The following OPRK1 variants were observed in gnomAD, a reference collection of about 807,000 sequenced individuals.
OPRK1 encodes the protein kappa-type opioid receptor.
In OPRK1, 15 loss-of-function variants were observed where a neutral mutation model predicts 24.5. That is an observed-to-expected ratio of 0.61 (90% CI 0.41 to 0.94). The LOEUF is 0.94. OPRK1 is among the 40% of genes least tolerant of loss of function. The probability of loss-of-function intolerance (pLI) is 0.00; values close to 1 mark genes in which losing one functional copy is unlikely to be tolerated. For missense variants in OPRK1, 479 were observed against 507.3 expected (o/e 0.94, Z 0.54); for synonymous variants, 205 against 198.0 (o/e 1.04, Z -0.30).
rs1806713625 is a variant in OPRK1, at chr8:53,227,135, G to GC, written c.*2161_*2162insG. 1 of 152,330 alleles carries GC rather than the reference G, an allele frequency of 6.6e-6. No individual in the cohort carries two copies. Among genetic ancestry groups the GC allele is most frequent in the Non-Finnish European group, 1.5e-5 (1 of 68,252 alleles). The allele number at this position is 152,330 out of a possible 1,614,324, so 9.4% of individuals were successfully genotyped here. On this transcript the variant is annotated 3_prime_UTR_variant, in exon 4 of 4. Coordinates refer to ENST00000265572, the MANE Select transcript of OPRK1 (RefSeq NM_000912.5). ...TAGCCGGGCTTGGCGGTGCACGCCT[G>GC]TAATCCCAGCTACTTAGGAGGCAGA...
chr8:53,237,687 A>G (rs1455046817), intron 2 of OPRK1, among the ~76,000 whole-genome samples: 2 of 152,232 alleles, frequency 1.3e-5, no homozygotes, highest in Non-Finnish European at 2.9e-5. Context: ...CAGGGGTTTG[A>G]TCCCAATTCG....
Position 53,225,978 on chromosome 8 carries a change from C to T in OPRK1, c.*3319G>A, listed in dbSNP as rs1267369538. 6.6e-6 allele frequency: 1 copy of T among 152,170 alleles called. No homozygotes were observed. Among genetic ancestry groups the T allele is most frequent in the Non-Finnish European group, 1.5e-5 (1 of 68,042 alleles). The allele number at this position is 152,170 out of a possible 1,614,324, so 9.4% of individuals were successfully genotyped here. A position where few individuals can be genotyped will look rare whatever the true frequency, so the allele number is the denominator to read the frequency against. ...GAAAATAAATCTCATTGATAGGACA[C>T]ACAACCTTTCACAGCTTTCACTTTA... On this transcript the variant is annotated 3_prime_UTR_variant, in exon 4 of 4. Transcript: ENST00000265572.
intron 2 of OPRK1, among the ~76,000 whole-genome samples, chr8:53,235,745 C>T (rs1318900974): frequency 6.6e-6 from 1 of 152,124 alleles, no homozygotes; most frequent in Admixed American, 6.5e-5. Flanking sequence ...TAGTATGGTA[C>T]AGCAGAAAAG....
At position 53,250,952 on chromosome 8, in the gene OPRK1, C is replaced by A. The variant is rs539445928; in HGVS notation, c.86G>T (p.Trp29Leu). ...GTCGGGCTCGGCCCAGCCGGGAAACCAGGCGCTGCTGTTGGGGGGCAGGCA... is the reference window on the plus strand; with the variant it reads ...GTCGGGCTCGGCCCAGCCGGGAAACAAGGCGCTGCTGTTGGGGGGCAGGCA... ...SACLPPNSSA[W>L]FPGWAEPDSN... is the part of the protein sequence containing the mutation. Residue 29 changes from tryptophan (W) to leucine (L), a missense_variant, in exon 2 of 4, where the codon TGG becomes TTG. Physicochemically the swap from Trp to Leu is moderately conservative, Grantham distance 61. Transcript: ENST00000265572. 1 of 1,609,900 alleles carries A rather than the reference C, an allele frequency of 6.2e-7. No individual in the cohort carries two copies. Among genetic ancestry groups the A allele is most frequent in the South Asian group, 1.1e-5 (1 of 90,758 alleles).
chr8:53,231,886 G>A (rs1806862518), intron 3 of OPRK1, among the ~76,000 whole-genome samples: 2 of 152,138 alleles, frequency 1.3e-5, no homozygotes, highest in South Asian at 2.1e-4. Context: ...CTTTAACTCC[G>A]AGGCTCAGCT....
rs16918949 is a variant in OPRK1 at position 53,249,715 on chromosome 8, T to G, written c.257+1066A>C. On this transcript the variant is annotated intron_variant, in intron 2 of 3. Coordinates refer to ENST00000265572, the MANE Select transcript of OPRK1 (RefSeq NM_000912.5). ...ATTTATGCTACCATTCATGATATGG[T>G]TGTTAAAGTTCATAATAAATAAATG... Among the ~76,000 whole-genome samples, 800 of 152,298 alleles carry G rather than the reference T, an allele frequency of 5.3e-3. 8 individuals carry two copies. The highest frequency in any genetic ancestry group is 0.018 in the African/African-American group (733 of 41,562).
At chr8:53,232,064 G>C (rs149956907) in intron 3 of OPRK1, among the ~76,000 whole-genome samples, 41 of 152,334 alleles carry the variant, frequency 2.7e-4, no homozygotes, top group African/African-American at 9.9e-4. Context: ...GTAGCGTAAA[G>C]AGAGTGCTGA....
rs148993877 is a variant in OPRK1, at chr8:53,248,386, T to C, written c.257+2395A>G. Among the ~76,000 whole-genome samples the C allele has an allele frequency of 4.5e-3, 681 of 152,330 alleles. 3 individuals are homozygous for C. Among genetic ancestry groups the C allele is most frequent in the African/African-American group, 0.015 (637 of 41,558 alleles). On this transcript the variant is annotated intron_variant, in intron 2 of 3. Coordinates refer to ENST00000265572, the MANE Select transcript of OPRK1 (RefSeq NM_000912.5). ...TTTCTACAATGATTTTCTATAAGGTTGAACTATGCTAGGAGCCTTTCCCAT... is the reference window on the plus strand; with the variant it reads ...TTTCTACAATGATTTTCTATAAGGTCGAACTATGCTAGGAGCCTTTCCCAT...
In OPRK1 at chr8:53,226,192, A is replaced by G. The variant is rs753690814; in HGVS notation, c.*3105T>C. ...TAAGATTTTATGTGACTCTTTATTG[A>G]TTTTTTTTCTCCAAGCTATTTTTCC... is the stretch of plus-strand genomic sequence containing the variant. On this transcript the variant is annotated 3_prime_UTR_variant, in exon 4 of 4. Coordinates refer to ENST00000265572, the MANE Select transcript of OPRK1 (RefSeq NM_000912.5). 6.6e-6 allele frequency: 1 copy of G among 151,950 alleles called. No individual in the cohort carries two copies. Among genetic ancestry groups the G allele is most frequent in the Non-Finnish European group, 1.5e-5 (1 of 67,978 alleles). The allele number at this position is 151,950 out of a possible 1,614,324, so 9.4% of individuals were successfully genotyped here. A position where few individuals can be genotyped will look rare whatever the true frequency, so the allele number is the denominator to read the frequency against.
At chr8:53,237,319 G>A (rs1807018098) in intron 2 of OPRK1, among the ~76,000 whole-genome samples, 1 of 152,218 alleles carries the variant, frequency 6.6e-6, no homozygotes, top group Admixed American at 6.5e-5. Context: ...AAAATGTAAT[G>A]TGCATCTTTA....
At chr8:53,231,550 C>T (rs1050042157) in intron 3 of OPRK1, among the ~76,000 whole-genome samples, 2 of 152,230 alleles carry the variant, frequency 1.3e-5, no homozygotes, top group Admixed American at 6.5e-5. Flanking sequence ...GTTATATTCA[C>T]CCAATTTCCC....
chr8:53,241,752 T>C (rs1443471267), intron 2 of OPRK1, among the ~76,000 whole-genome samples: 2 of 152,040 alleles, frequency 1.3e-5, no homozygotes, highest in Non-Finnish European at 2.9e-5. Context: ...CGCAAAGGCG[T>C]CAAGAGAACA....
At chr8:53,232,394 G>T (rs1806877255) in intron 3 of OPRK1, among the ~76,000 whole-genome samples, 1 of 152,136 alleles carries the variant, frequency 6.6e-6, no homozygotes, top group Non-Finnish European at 1.5e-5. Context: ...AGTGAAATTG[G>T]AATGTTCCTA....
At chr8:53,242,851 C>T (rs1429271811) in intron 2 of OPRK1, 1 of 1,280,512 alleles carries the variant, frequency 7.8e-7, no homozygotes, top group Non-Finnish European at 1.0e-6. Context: ...GGCTTCACAC[C>T]AGTCCCTTTG....
chr8:53,235,250 A>G (rs1214592073), intron 2 of OPRK1, 139 bp from the exon 3 acceptor site: 15 of 665,784 alleles, frequency 2.3e-5, no homozygotes, highest in Non-Finnish European at 3.8e-5. Flanking sequence ...TCTAACATGT[A>G]AATGGACTGT....
At chr8:53,236,948 C>G (rs1585632347) in intron 2 of OPRK1, among the ~76,000 whole-genome samples, 2 of 152,242 alleles carry the variant, frequency 1.3e-5, no homozygotes, top group African/African-American at 4.8e-5. Context: ...GACCTGGGTT[C>G]TAGTCCTTAT....
rs199697025 is a variant in OPRK1, at chr8:53,225,781, T to C, written c.*3516A>G. On this transcript the variant is annotated 3_prime_UTR_variant, in exon 4 of 4. Transcript: ENST00000265572. The stretch of plus-strand genomic sequence containing the variant: ...GCAAGGCACACAATCGTATATACAA[T>C]GCATAATTATCATCTTTTAAAGTAC... 6.5e-6 allele frequency: 1 copy of C among 152,676 alleles called. No individual in the cohort carries two copies. The highest frequency in any genetic ancestry group is 1.5e-5 in the Non-Finnish European group (1 of 68,040). 9.5% of individuals were successfully genotyped at this position (152,676 alleles called of 1,614,324 possible).
Position 53,229,559 on chromosome 8 carries a change from A to C in OPRK1, c.881T>G (p.Ile294Ser). The change falls in exon 4 of 4, where the codon ATC becomes AGC. Residue 294 changes from isoleucine to serine, a missense_variant. Coordinates refer to ENST00000265572, the MANE Select transcript of OPRK1 (RefSeq NM_000912.5). ...GGTGCTCCCCAGAGCCTCCACCAGG[A>C]TGAATATGTGAATGGGAGTCCAGCA... ...VVCWTPIHIF[I>S]LVEALGSTSH... The C allele has an allele frequency of 6.2e-7, 1 of 1,614,204 alleles. No homozygotes were observed. Among genetic ancestry groups the C allele is most frequent in the Non-Finnish European group, 8.5e-7 (1 of 1,180,028 alleles).
chr8:53,228,938 T>C lies in OPRK1; in HGVS notation c.*359A>G, dbSNP rs193169861. On this transcript the variant is annotated 3_prime_UTR_variant, in exon 4 of 4. Coordinates refer to ENST00000265572, the MANE Select transcript of OPRK1 (RefSeq NM_000912.5). ...AAGCAATGTTTTTTCTTTTCCTTTT[T>C]TCTTAAACCGAGCTTTTGAAACTAC... 493 of 173,326 alleles carry C rather than the reference T, an allele frequency of 2.8e-3. 5 individuals are homozygous for C. The highest frequency in any genetic ancestry group is 0.011 in the African/African-American group (471 of 42,190). The allele number at this position is 173,326 out of a possible 1,614,324, so 10.7% of individuals were successfully genotyped here. A position where few individuals can be genotyped will look rare whatever the true frequency, so the allele number is the denominator to read the frequency against.
Sources: allele counts gnomAD v4.1 joint callset (sites outside exome capture counted in the v4.1 genomes callset), GRCh38; gene constraint gnomAD v4.1.1; transcripts MANE v1.5; gene names NCBI Gene and HGNC (gene_info 2026-07-23, HGNC 2026-07-21).